NELL1: variants seen among roughly 807,000 people sequenced by gnomAD.
NELL1 encodes protein kinase C-binding protein NELL1.
NELL1 carries 76 observed loss-of-function variants against 107.4 expected under a neutral mutation model. The observed-to-expected ratio is 0.71, with a 90% CI of 0.59 to 0.86. NELL1 has a LOEUF of 0.86. NELL1 is among the 40% of genes least tolerant of loss of function. The probability of loss-of-function intolerance (pLI) is 0.00; values close to 1 mark genes in which losing one functional copy is unlikely to be tolerated. For missense variants in NELL1, 1,024 were observed against 1,005.5 expected (o/e 1.02, Z -0.25); for synonymous variants, 353 against 341.2 (o/e 1.03, Z -0.38).
intron 10 of NELL1, among the ~76,000 whole-genome samples, chr11:20,942,350 T>G (rs1342377968): frequency 1.3e-5 from 2 of 152,138 alleles, no homozygotes; most frequent in Non-Finnish European, 2.9e-5. Flanking sequence ...GGTGTGGTGG[T>G]CTCTCTGCAT....
At chr11:20,707,927 A>G (rs977552940) in intron 2 of NELL1, among the ~76,000 whole-genome samples, 5 of 152,230 alleles carry the variant, frequency 3.3e-5, no homozygotes, top group Admixed American at 2.6e-4. Context: ...TTCTTCAGCT[A>G]TGCCCTGCCC....
chr11:20,704,820 A>G (rs1173869225), intron 2 of NELL1, among the ~76,000 whole-genome samples: 1 of 152,202 alleles, frequency 6.6e-6, no homozygotes, highest in Non-Finnish European at 1.5e-5. Context: ...GAATGTCAAG[A>G]TACAAAATCA....
intron 15 of NELL1, among the ~76,000 whole-genome samples, chr11:21,427,754 T>A (rs1312062400): frequency 6.6e-6 from 1 of 152,196 alleles, no homozygotes; most frequent in Non-Finnish European, 1.5e-5. Flanking sequence ...TCCTGTTGAA[T>A]GGCATAATTT....
chr11:21,416,139 A>G (rs1054096262), intron 15 of NELL1, among the ~76,000 whole-genome samples: 2 of 152,094 alleles, frequency 1.3e-5, no homozygotes, highest in Non-Finnish European at 2.9e-5. Flanking sequence ...CAAGTGCTTG[A>G]TGATTCTGTG....
chr11:21,074,041 A>G (rs1854077738), intron 12 of NELL1, among the ~76,000 whole-genome samples: 1 of 152,178 alleles, frequency 6.6e-6, no homozygotes, highest in South Asian at 2.1e-4. Flanking sequence ...CTGGAAAACT[A>G]GAGGAAGGCT....
intron 2 of NELL1, among the ~76,000 whole-genome samples, chr11:20,688,763 G>A (rs751979590): frequency 6.6e-6 from 1 of 152,146 alleles, no homozygotes; most frequent in African/African-American, 2.4e-5. Flanking sequence ...TATACCCAGT[G>A]ATGGGATTGT....
intron 14 of NELL1, among the ~76,000 whole-genome samples, chr11:21,244,032 T>A (rs1027131338): frequency 2.2e-4 from 34 of 152,098 alleles, no homozygotes; most frequent in Non-Finnish European, 7.4e-5. Context: ...GTAGCTGGAA[T>A]CCATATACCA....
chr11:21,137,811 A>AG (rs1855777139), intron 13 of NELL1, among the ~76,000 whole-genome samples: 1 of 152,166 alleles, frequency 6.6e-6, no homozygotes. Flanking sequence ...AAGCCGGAAG[A>AG]GGGGGTCTAT....
intron 15 of NELL1, among the ~76,000 whole-genome samples, chr11:21,409,421 A>G (rs1418469237): frequency 6.6e-6 from 1 of 151,716 alleles, no homozygotes; most frequent in Non-Finnish European, 1.5e-5. Context: ...TCACACTCTG[A>G]GGACTGTTGT....
At chr11:20,759,971 A>G (rs1564897361) in intron 2 of NELL1, among the ~76,000 whole-genome samples, 1 of 152,184 alleles carries the variant, frequency 6.6e-6, no homozygotes, top group South Asian at 2.1e-4. Flanking sequence ...CTCTAAACAT[A>G]GTGGCTCCAA....
In NELL1 at chr11:20,927,513, C is replaced by G; in HGVS notation, c.894+71C>G. The G allele has an allele frequency of 4.2e-6, 6 of 1,423,656 alleles. No individual in the cohort carries two copies. In the South Asian group the frequency reaches 7.7e-5, roughly 18 times the overall value. 88.2% of individuals were successfully genotyped at this position (1,423,656 alleles called of 1,614,324 possible). ...AGAGGTTTGATAATTAGAGTGTAAC[C>G]TGGTTCTTTAATAAATAATATTAAC... On this transcript the variant is annotated intron_variant, in intron 8 of 19. Transcript: ENST00000357134.
At chr11:21,487,874 G>A (rs1156764822) in intron 15 of NELL1, among the ~76,000 whole-genome samples, 1 of 152,108 alleles carries the variant, frequency 6.6e-6, no homozygotes, top group Admixed American at 6.5e-5. Context: ...ACCGGGAGGA[G>A]TAGCTATACT....
intron 15 of NELL1, among the ~76,000 whole-genome samples, chr11:21,423,540 T>A (rs1159980182): frequency 6.6e-6 from 1 of 152,114 alleles, no homozygotes; most frequent in Non-Finnish European, 1.5e-5. Flanking sequence ...ATTGGAGACT[T>A]TCATACCCCA....
At chr11:21,095,834 T>TA (rs1854628939) in intron 12 of NELL1, among the ~76,000 whole-genome samples, 4 of 152,156 alleles carry the variant, frequency 2.6e-5, no homozygotes, top group Admixed American at 1.3e-4. Flanking sequence ...GGTCTTGAAC[T>TA]CCTGACCTCA....
At chr11:21,378,645 GA>G (rs1406747649) in intron 15 of NELL1, among the ~76,000 whole-genome samples, 4 of 151,240 alleles carry the variant, frequency 2.6e-5, no homozygotes, top group South Asian at 4.2e-4. Flanking sequence ...TTTCTTAGAA[GA>G]AAAATTTAAA....
At chr11:21,200,456 CT>C (rs1232014936) in intron 13 of NELL1, among the ~76,000 whole-genome samples, 8 of 152,164 alleles carry the variant, frequency 5.3e-5, no homozygotes, top group African/African-American at 1.9e-4. Context: ...TGAGAAGTGT[CT>C]GTTCATATCC....
chr11:20,854,229 A>G (rs534643749), intron 4 of NELL1, among the ~76,000 whole-genome samples: 1 of 152,284 alleles, frequency 6.6e-6, no homozygotes. Flanking sequence ...ACTGAAAGAA[A>G]TTGGTATTAC....
chr11:21,318,290 C>A (rs776151156), intron 14 of NELL1, among the ~76,000 whole-genome samples: 3 of 152,128 alleles, frequency 2.0e-5, no homozygotes, highest in Non-Finnish European at 4.4e-5. Flanking sequence ...AATTCATGTT[C>A]TTAATCCAGT....
rs536818847 is a variant in NELL1 at position 21,262,377 on chromosome 11, G to C, written c.1549+32923G>C. On this transcript the variant is annotated intron_variant, in intron 14 of 19. Coordinates refer to ENST00000357134, the MANE Select transcript of NELL1 (RefSeq NM_006157.5). The stretch of plus-strand genomic sequence containing the variant: ...TTTCTTAGTTGACCGCTCTGGCTTG[G>C]TTCTCCATTAATTACCTGAGAAAGA... 2.0e-5 allele frequency among the ~76,000 whole-genome samples: 3 copies of C among 151,860 alleles called. No individual in the cohort carries two copies. In the East Asian group the frequency reaches 5.8e-4, roughly 30 times the overall value.
Sources: allele counts gnomAD v4.1 joint callset (sites outside exome capture counted in the v4.1 genomes callset), GRCh38; gene constraint gnomAD v4.1.1; transcripts MANE v1.5; gene names NCBI Gene and HGNC (gene_info 2026-07-23, HGNC 2026-07-21).